Variants in EPB41L4B observed in about 807,000 individuals in gnomAD.
The protein encoded by EPB41L4B is band 4.1-like protein 4B.
EPB41L4B carries 30 observed loss-of-function variants against 112.5 expected under a neutral mutation model. The observed-to-expected ratio is 0.27, with a 90% CI of 0.20 to 0.36. EPB41L4B has a LOEUF of 0.36. EPB41L4B is among the 10% of genes least tolerant of loss of function. The pLI is 1.00. For synonymous variants in EPB41L4B, 408 were observed against 439.7 expected (o/e 0.93, Z 0.90); for missense variants, 1,024 against 1,133.3 (o/e 0.90, Z 1.38).
chr9:109,243,622 C>T lies in EPB41L4B; in HGVS notation c.1405G>A (p.Val469Ile). The change falls in exon 15 of 26, where the codon GTC (valine) becomes ATC (isoleucine). Residue 469 changes from valine to isoleucine, a missense_variant. Coordinates refer to ENST00000374566, the MANE Select transcript of EPB41L4B (RefSeq NM_019114.5). Reference protein sequence around the residue: ...QPRWHPHSPNVSYPLPSPVLS... With the variant: ...QPRWHPHSPNISYPLPSPVLS... Reference sequence around the variant, plus strand: ...TCTGGAAGCACCAGCACTTACCTGACATTTGGAGAGTGAGGATGCCACCGG... The same window carrying T: ...TCTGGAAGCACCAGCACTTACCTGATATTTGGAGAGTGAGGATGCCACCGG... 2 of 1,614,194 alleles carry T rather than the reference C, an allele frequency of 1.2e-6. No individual in the cohort carries two copies. Among genetic ancestry groups the T allele is most frequent in the Non-Finnish European group, 1.7e-6 (2 of 1,180,022 alleles).
chr9:109,242,474 T>C (rs1447309646), intron 15 of EPB41L4B, among the ~76,000 whole-genome samples: 3 of 152,246 alleles, frequency 2.0e-5, no homozygotes, highest in African/African-American at 7.2e-5. Context: ...TTAATTAAAA[T>C]AGCGTTTCTA....
chr9:109,237,815 G>T (rs558234268), intron 15 of EPB41L4B, among the ~76,000 whole-genome samples: 1 of 152,214 alleles, frequency 6.6e-6, no homozygotes, highest in Non-Finnish European at 1.5e-5. Flanking sequence ...GAGGGAACAT[G>T]GTTACCAGGC....
intron 6 of EPB41L4B, among the ~76,000 whole-genome samples, chr9:109,261,450 C>T (rs1056401815): frequency 6.6e-6 from 1 of 152,008 alleles, no homozygotes; most frequent in African/African-American, 2.4e-5. Context: ...AATCTCAGTG[C>T]TTTGGGAGGC....
intron 1 of EPB41L4B, 25 bp downstream of exon 1, chr9:109,320,116 G>C (rs537269458): frequency 5.6e-6 from 8 of 1,418,876 alleles, no homozygotes; most frequent in Middle Eastern, 1.9e-4. Context: ...AGGTGCCAGT[G>C]CCCCAGACTG....
At chr9:109,318,564 G>T (rs1056634388) in intron 1 of EPB41L4B, among the ~76,000 whole-genome samples, 8 of 152,044 alleles carry the variant, frequency 5.3e-5, no homozygotes, top group Non-Finnish European at 1.0e-4. Flanking sequence ...TCCTTTCCCA[G>T]ATCCGAGATG....
chr9:109,276,223 A>G (rs1429051762), intron 2 of EPB41L4B, among the ~76,000 whole-genome samples: 1 of 149,554 alleles, frequency 6.7e-6, no homozygotes, highest in Non-Finnish European at 1.5e-5. Context: ...CCCAAGGCCA[A>G]ACAGTCAAAT....
intron 22 of EPB41L4B, 99 bp downstream of exon 22, chr9:109,192,179 G>C: frequency 1.1e-6 from 1 of 913,408 alleles, no homozygotes; most frequent in Non-Finnish European, 1.7e-6. Flanking sequence ...AGAGGAAGAG[G>C]CTCCTCAACA....
At chr9:109,277,315 C>CA (rs35489544) in intron 2 of EPB41L4B, among the ~76,000 whole-genome samples, 80,309 of 112,086 alleles carry the variant, frequency 0.72, 27,586 homozygotes, top group Middle Eastern at 0.83. Context: ...AGTAGACATG[C>CA]AAAAAAAAAA....
chr9:109,222,273 A>G (rs768959665), intron 15 of EPB41L4B, among the ~76,000 whole-genome samples: 1 of 152,170 alleles, frequency 6.6e-6, no homozygotes, highest in African/African-American at 2.4e-5. Context: ...AGCCGCCTGA[A>G]TCTGCTCAGG....
intron 19 of EPB41L4B, 66 bp downstream of exon 19, chr9:109,203,597 T>C: frequency 2.3e-6 from 3 of 1,284,246 alleles, no homozygotes; most frequent in Non-Finnish European, 3.4e-6. Context: ...TCGTGAGCAA[T>C]GTTTCAAGGA....
At chr9:109,222,016 A>T (rs1401544807) in intron 15 of EPB41L4B, among the ~76,000 whole-genome samples, 1 of 152,220 alleles carries the variant, frequency 6.6e-6, no homozygotes, top group African/African-American at 2.4e-5. Flanking sequence ...GGAAGAGCAC[A>T]GTGGTATCAT....
chr9:109,311,849 C>T (rs143331647), intron 1 of EPB41L4B, among the ~76,000 whole-genome samples: 173 of 152,250 alleles, frequency 1.1e-3, no homozygotes, highest in Middle Eastern at 3.4e-3. Flanking sequence ...CAGAGTGGCC[C>T]GAGGCCATCT....
At chr9:109,312,066 G>A (rs921365560) in intron 1 of EPB41L4B, among the ~76,000 whole-genome samples, 5 of 152,158 alleles carry the variant, frequency 3.3e-5, no homozygotes, top group Admixed American at 2.6e-4. Context: ...AATAAGAGTT[G>A]AATTTAAGTA....
chr9:109,233,529 C>T (rs1055914086), intron 15 of EPB41L4B, among the ~76,000 whole-genome samples: 19 of 132,686 alleles, frequency 1.4e-4, no homozygotes, highest in African/African-American at 4.1e-4. Context: ...TGGGAACCTA[C>T]TTTTTTTTTT....
intron 6 of EPB41L4B, among the ~76,000 whole-genome samples, chr9:109,260,238 T>A (rs555406065): frequency 6.6e-6 from 1 of 151,890 alleles, no homozygotes; most frequent in African/African-American, 2.4e-5. Flanking sequence ...CCTGGCTAAT[T>A]TTTGTATTTT....
chr9:109,175,976 A>G lies in EPB41L4B; in HGVS notation c.2633+575T>C, dbSNP rs960123527. On this transcript the variant is annotated intron_variant, in intron 25 of 25. Coordinates refer to ENST00000374566, the MANE Select transcript of EPB41L4B (RefSeq NM_019114.5). ...GCTCTGCTTAAATGCCACCTCATTG[A>G]GGCCATCCCAGGATACCTTATTGCC... is the stretch of plus-strand genomic sequence containing the variant. Among the ~76,000 whole-genome samples, 9 of 144,164 alleles carry G rather than the reference A, an allele frequency of 6.2e-5. No homozygotes were observed. In the East Asian group the frequency reaches 1.0e-3, roughly 16 times the overall value. The allele number at this position is 144,164 out of a possible 152,430, so 94.6% of individuals were successfully genotyped here. A position where few individuals can be genotyped will look rare whatever the true frequency, so the allele number is the denominator to read the frequency against.
Position 109,256,185 on chromosome 9 carries a change from T to G in EPB41L4B, c.880A>C (p.Thr294Pro), listed in dbSNP as rs748830522. The G allele has an allele frequency of 6.2e-7, 1 of 1,614,216 alleles. No homozygotes were observed. Among genetic ancestry groups the G allele is most frequent in the South Asian group, 1.1e-5 (1 of 91,082 alleles). The change falls in exon 9 of 26, where the codon ACA (threonine) becomes CCA (proline). Residue 294 changes from threonine (T) to proline (P), a missense_variant. Thr to Pro is a conservative substitution (Grantham distance 38). Coordinates refer to ENST00000374566, the MANE Select transcript of EPB41L4B (RefSeq NM_019114.5). ...GCEYSLGLTP[T>P]GILIFEGANK... Reference sequence around the variant, plus strand: ...GCTCCTTCAAAGATTAATATGCCTGTCGGGGTCAGTCCAAGAGAATATTCA... The same window carrying G: ...GCTCCTTCAAAGATTAATATGCCTGGCGGGGTCAGTCCAAGAGAATATTCA...
At chr9:109,309,853 C>T (rs1174155222) in intron 1 of EPB41L4B, among the ~76,000 whole-genome samples, 1 of 151,820 alleles carries the variant, frequency 6.6e-6, no homozygotes, top group African/African-American at 2.4e-5. Flanking sequence ...TACAAAGGTG[C>T]CACTAACTCC....
At chr9:109,188,914 G>A (rs1228363161) in intron 22 of EPB41L4B, among the ~76,000 whole-genome samples, 1 of 152,160 alleles carries the variant, frequency 6.6e-6, no homozygotes, top group East Asian at 1.9e-4. Context: ...AGGTATTCAT[G>A]GTCTGTGTTA....
Sources: allele counts gnomAD v4.1 joint callset (sites outside exome capture counted in the v4.1 genomes callset), GRCh38; gene constraint gnomAD v4.1.1; transcripts MANE v1.5; gene names NCBI Gene and HGNC (gene_info 2026-07-23, HGNC 2026-07-21).